The following CTNNA3 variants were observed in gnomAD, a reference collection of about 807,000 sequenced individuals.
The protein encoded by CTNNA3 is catenin alpha-3.
In CTNNA3, 76 loss-of-function variants were observed where a neutral mutation model predicts 95.7. That is an observed-to-expected ratio of 0.79 (90% CI 0.66 to 0.96). The LOEUF (loss-of-function observed/expected upper bound fraction) is 0.96. Among genes scored for constraint, CTNNA3 ranks in the 40% least tolerant of loss-of-function variants. The pLI, the probability that CTNNA3 is intolerant of heterozygous loss-of-function variation, is 0.00. For missense variants in CTNNA3, 1,191 were observed against 1,089.8 expected (o/e 1.09, Z -1.31); for synonymous variants, 431 against 374.4 (o/e 1.15, Z -1.74).
chr10:67,366,025 A>G (rs1460867458), intron 5 of CTNNA3, among the ~76,000 whole-genome samples: 2 of 151,872 alleles, frequency 1.3e-5, no homozygotes, highest in Admixed American at 6.6e-5. Context: ...GCACATATAC[A>G]CCATGGAATA....
At chr10:66,510,491 T>G (rs1840615799) in intron 11 of CTNNA3, among the ~76,000 whole-genome samples, 1 of 151,920 alleles carries the variant, frequency 6.6e-6, no homozygotes, top group South Asian at 2.1e-4. Flanking sequence ...GAGAAAAAGC[T>G]TCCAGTATTT....
At chr10:67,440,906 C>T (rs1386572597) in intron 5 of CTNNA3, among the ~76,000 whole-genome samples, 2 of 151,960 alleles carry the variant, frequency 1.3e-5, no homozygotes, top group Admixed American at 1.3e-4. Flanking sequence ...CAAATACCCA[C>T]AAGCAACAAT....
intron 7 of CTNNA3, among the ~76,000 whole-genome samples, chr10:66,971,106 C>T (rs1307012347): frequency 1.3e-5 from 2 of 151,986 alleles, no homozygotes; most frequent in African/African-American, 2.4e-5. Context: ...ACTTTAATTA[C>T]ACTGGGCAGC....
intron 5 of CTNNA3, among the ~76,000 whole-genome samples, chr10:67,492,188 A>G (rs1589353351): frequency 6.6e-6 from 1 of 152,136 alleles, no homozygotes; most frequent in East Asian, 1.9e-4. Context: ...GGGCAATATC[A>G]ACATTTACTC....
At chr10:66,310,686 CT>C (rs370233209) in intron 12 of CTNNA3, among the ~76,000 whole-genome samples, 10,872 of 132,538 alleles carry the variant, frequency 0.082, 550 homozygotes, top group African/African-American at 0.16. Context: ...TTATACATAA[CT>C]TTTTTTTTTT....
intron 10 of CTNNA3, among the ~76,000 whole-genome samples, chr10:66,588,172 G>A (rs1021676776): frequency 2.0e-5 from 3 of 152,052 alleles, no homozygotes; most frequent in African/African-American, 7.2e-5. Flanking sequence ...GCACTGGGTA[G>A]TGTTAAGATC....
At chr10:67,722,886 C>T (rs918407924) in intron 1 of CTNNA3, among the ~76,000 whole-genome samples, 2 of 151,850 alleles carry the variant, frequency 1.3e-5, no homozygotes, top group African/African-American at 4.8e-5. Context: ...ATTAAAATCC[C>T]TTCTATGGAT....
intron 5 of CTNNA3, among the ~76,000 whole-genome samples, chr10:67,462,376 T>C (rs1169303358): frequency 1.3e-5 from 2 of 152,214 alleles, no homozygotes; most frequent in East Asian, 3.9e-4. Context: ...ATCTTTGTCT[T>C]GCCTGTTAAA....
chr10:66,899,449 G>A (rs769777916), intron 7 of CTNNA3, among the ~76,000 whole-genome samples: 4 of 152,130 alleles, frequency 2.6e-5, no homozygotes, highest in South Asian at 2.1e-4. Context: ...CAAGATCGAC[G>A]CAGACCTGCA....
At chr10:66,002,353 C>A (rs1047943692) in intron 15 of CTNNA3, among the ~76,000 whole-genome samples, 1 of 152,130 alleles carries the variant, frequency 6.6e-6, no homozygotes, top group East Asian at 1.9e-4. Flanking sequence ...CTAATGAATA[C>A]TCAGCTAGCA....
At chr10:67,750,640 G>A (rs1325083316) in intron 1 of CTNNA3, 10 of 1,548,364 alleles carry the variant, frequency 6.5e-6, no homozygotes, top group African/African-American at 1.4e-5. Flanking sequence ...CAAGTCTGGG[G>A]ATGATTTTTT....
At chr10:65,993,504 A>G (rs1245266406) in intron 15 of CTNNA3, among the ~76,000 whole-genome samples, 1 of 151,972 alleles carries the variant, frequency 6.6e-6, no homozygotes, top group Non-Finnish European at 1.5e-5. Context: ...AATGACCTTC[A>G]TTGTCTCTTT....
intron 1 of CTNNA3, among the ~76,000 whole-genome samples, chr10:67,689,847 C>T (rs959578901): frequency 2.6e-5 from 4 of 152,144 alleles, no homozygotes; most frequent in South Asian, 2.1e-4. Flanking sequence ...TTTAGCTGAC[C>T]GACAGGTGCC....
At chr10:66,335,738 C>G (rs1196745077) in intron 12 of CTNNA3, among the ~76,000 whole-genome samples, 6 of 152,098 alleles carry the variant, frequency 3.9e-5, no homozygotes, top group Non-Finnish European at 7.4e-5. Flanking sequence ...GCTGGGAGAA[C>G]CACTACTCTC....
intron 5 of CTNNA3, among the ~76,000 whole-genome samples, chr10:67,509,641 G>A (rs1324087991): frequency 6.6e-6 from 1 of 152,148 alleles, no homozygotes; most frequent in East Asian, 1.9e-4. Flanking sequence ...GAATAGTGCT[G>A]CAATAAACAT....
chr10:66,351,958 G>C (rs1589127840), intron 12 of CTNNA3, among the ~76,000 whole-genome samples: 1 of 151,974 alleles, frequency 6.6e-6, no homozygotes, highest in Middle Eastern at 3.4e-3. Flanking sequence ...TAATTTTACT[G>C]TCCAGGAGGT....
intron 9 of CTNNA3, among the ~76,000 whole-genome samples, chr10:66,715,328 C>T (rs1279082191): frequency 6.6e-6 from 1 of 152,002 alleles, no homozygotes; most frequent in African/African-American, 2.4e-5. Flanking sequence ...CCCTAGTTCA[C>T]AAGTTAAAGA....
intron 9 of CTNNA3, among the ~76,000 whole-genome samples, chr10:66,751,505 A>T (rs1223933062): frequency 1.3e-5 from 2 of 152,090 alleles, no homozygotes; most frequent in Non-Finnish European, 1.5e-5. Context: ...TTGTAATATT[A>T]TTTGTACTAC....
intron 9 of CTNNA3, among the ~76,000 whole-genome samples, chr10:66,674,772 C>G (rs78855958): frequency 6.6e-6 from 1 of 152,054 alleles, no homozygotes; most frequent in African/African-American, 2.4e-5. Flanking sequence ...GTGGTTGATA[C>G]GGGCTCCCTC....
Sources: allele counts gnomAD v4.1 joint callset (sites outside exome capture counted in the v4.1 genomes callset), GRCh38; gene constraint gnomAD v4.1.1; transcripts MANE v1.5; gene names NCBI Gene and HGNC (gene_info 2026-07-23, HGNC 2026-07-21).